The following TECPR2 variants were observed in gnomAD, a reference collection of about 807,000 sequenced individuals.
The protein encoded by TECPR2 is tectonin beta-propeller repeat containing 2, also known as tectonin beta-propeller repeat-containing protein 2.
In TECPR2, 65 loss-of-function variants were observed where a neutral mutation model predicts 138.1. The observed-to-expected ratio is 0.47, with a 90% confidence interval of 0.39 to 0.58. The LOEUF is 0.58. Ranked by LOEUF, TECPR2 falls within the 20% of genes least tolerant of loss-of-function variation. The pLI is 0.00. For synonymous variants in TECPR2, 746 were observed against 749.8 expected (o/e 0.99, Z 0.08); for missense variants, 1,553 against 1,824.5 (o/e 0.85, Z 2.71).
intron 3 of TECPR2, 94 bp from the exon 4 acceptor site, chr14:102,408,394 A>G (rs781553187): frequency 5.8e-5 from 81 of 1,392,102 alleles, no homozygotes; most frequent in Non-Finnish European, 7.1e-5. Flanking sequence ...GCTCTTCCCT[A>G]ACTAGGAGTG....
intron 1 of TECPR2, among the ~76,000 whole-genome samples, chr14:102,372,830 G>C (rs1457795889): frequency 6.6e-6 from 1 of 152,008 alleles, no homozygotes; most frequent in Non-Finnish European, 1.5e-5. Context: ...TGAGGCACAA[G>C]AATCACTTGA....
chr14:102,455,645 C>CT (rs1169101905), intron 16 of TECPR2, among the ~76,000 whole-genome samples: 23 of 152,150 alleles, frequency 1.5e-4, no homozygotes, highest in Admixed American at 1.2e-3. Flanking sequence ...GAGTTTCGCT[C>CT]TGTCGCCCAG....
intron 16 of TECPR2, among the ~76,000 whole-genome samples, chr14:102,456,016 C>T (rs1240804680): frequency 6.6e-6 from 1 of 152,096 alleles, no homozygotes; most frequent in African/African-American, 2.4e-5. Context: ...GTCCTCCCAA[C>T]GTGCTGGGAT....
At chr14:102,395,674 T>C (rs1888295522) in intron 2 of TECPR2, among the ~76,000 whole-genome samples, 1 of 152,110 alleles carries the variant, frequency 6.6e-6, no homozygotes, top group African/African-American at 2.4e-5. Context: ...GGCGTCTGCC[T>C]GTAATCCCAT....
At position 102,393,851 on chromosome 14, in the gene TECPR2, C is replaced by T. The variant is rs182133732; in HGVS notation, c.220-13487C>T. On this transcript the variant is annotated intron_variant, in intron 2 of 19. Transcript: ENST00000359520. ...CTGGGATTATAGGCATGAGCCACCG[C>T]GCCTGGTCATGATCATTTTTATTTT... Among the ~76,000 whole-genome samples the T allele has an allele frequency of 1.2e-3, 176 of 152,208 alleles. 1 individual carries two copies. Among genetic ancestry groups the T allele is most frequent in the African/African-American group, 3.9e-3 (160 of 41,530 alleles).
At chr14:102,450,487 C>G in intron 14 of TECPR2, 73 bp from the exon 15 acceptor site, 1 of 1,478,396 alleles carries the variant, frequency 6.8e-7, no homozygotes, top group African/African-American at 1.4e-5. Context: ...AGCTGTCGTC[C>G]AGAACTAAGA....
At chr14:102,456,834 T>C (rs1265650033) in intron 16 of TECPR2, among the ~76,000 whole-genome samples, 1 of 151,692 alleles carries the variant, frequency 6.6e-6, no homozygotes, top group South Asian at 2.1e-4. Flanking sequence ...CGTGATCTGC[T>C]CGCCTCAGCC....
chr14:102,381,202 C>A (rs1887804836), intron 2 of TECPR2, among the ~76,000 whole-genome samples: 1 of 152,148 alleles, frequency 6.6e-6, no homozygotes, highest in Non-Finnish European at 1.5e-5. Flanking sequence ...GTCAGGTGAT[C>A]CACTCGCTTC....
intron 4 of TECPR2, among the ~76,000 whole-genome samples, chr14:102,409,517 T>A (rs1888762463): frequency 6.6e-6 from 1 of 152,204 alleles, no homozygotes. Context: ...CAGGCTGGTC[T>A]TGAACTCCTG....
intron 17 of TECPR2, chr14:102,465,775 C>T (rs946448727): frequency 4.7e-6 from 2 of 428,968 alleles, no homozygotes; most frequent in Admixed American, 6.3e-5. Context: ...TTCAGCTGAC[C>T]GTGCATCCCA....
At chr14:102,451,924 C>T (rs1453195137) in intron 15 of TECPR2, among the ~76,000 whole-genome samples, 1 of 152,100 alleles carries the variant, frequency 6.6e-6, no homozygotes, top group Non-Finnish European at 1.5e-5. Context: ...CGGCCCCATC[C>T]CCAGAAGGTC....
intron 17 of TECPR2, among the ~76,000 whole-genome samples, chr14:102,473,584 A>T (rs1007278125): frequency 5.3e-5 from 8 of 152,244 alleles, no homozygotes; most frequent in African/African-American, 1.2e-4. Context: ...TTTTAAAATT[A>T]GCATCAGCTT....
rs75659663 is a variant in TECPR2, at chr14:102,408,379, A to T, written c.349-109A>T. 2.1e-3 allele frequency: 2,655 copies of T among 1,271,770 alleles called. 51 individuals carry two copies. The African/African-American group carries it at 0.036, about 17-fold the overall frequency. 78.8% of individuals were successfully genotyped at this position (1,271,770 alleles called of 1,614,324 possible). On this transcript the variant is annotated intron_variant, in intron 3 of 19. Transcript: ENST00000359520. ...TCTGCTTGGAAAACGAGATTGGGAAAACCAGCTCTTCCCTAACTAGGAGTG... is the reference window on the plus strand; with the variant it reads ...TCTGCTTGGAAAACGAGATTGGGAATACCAGCTCTTCCCTAACTAGGAGTG...
chr14:102,496,954 C>T (rs1307640020), intron 17 of TECPR2, 25 bp from the exon 18 acceptor site: 1 of 1,610,980 alleles, frequency 6.2e-7, no homozygotes, highest in Admixed American at 1.7e-5. Context: ...TCCTGCCTTC[C>T]CTGAAAGTCC....
At chr14:102,423,908 A>T (rs906018139) in intron 5 of TECPR2, among the ~76,000 whole-genome samples, 2 of 152,230 alleles carry the variant, frequency 1.3e-5, no homozygotes, top group African/African-American at 2.4e-5. Context: ...GAGCACAGCA[A>T]TCAGACGTCA....
chr14:102,447,404 C>T (rs965929107), intron 13 of TECPR2, among the ~76,000 whole-genome samples: 2 of 152,184 alleles, frequency 1.3e-5, no homozygotes, highest in East Asian at 3.8e-4. Context: ...CCACCACCCT[C>T]GGCCCTAGAA....
intron 17 of TECPR2, among the ~76,000 whole-genome samples, chr14:102,470,606 C>A (rs1381266652): frequency 1.3e-5 from 2 of 151,586 alleles, no homozygotes; most frequent in African/African-American, 4.8e-5. Flanking sequence ...CTGCACCCAG[C>A]CTATTCAGAA....
intron 17 of TECPR2, among the ~76,000 whole-genome samples, chr14:102,495,851 G>A (rs1370532105): frequency 2.6e-5 from 4 of 152,234 alleles, no homozygotes; most frequent in Admixed American, 6.5e-5. Flanking sequence ...CAGAGCAGCC[G>A]GCGGGTGAGG....
intron 2 of TECPR2, among the ~76,000 whole-genome samples, chr14:102,393,961 C>T (rs1358403950): frequency 6.6e-6 from 1 of 152,160 alleles, no homozygotes; most frequent in Admixed American, 6.5e-5. Context: ...ATTTTAATTC[C>T]TGATGAGTTC....
Sources: allele counts gnomAD v4.1 joint callset (sites outside exome capture counted in the v4.1 genomes callset), GRCh38; gene constraint gnomAD v4.1.1; transcripts MANE v1.5; gene names NCBI Gene and HGNC (gene_info 2026-07-23, HGNC 2026-07-21).